The following SLC16A5 variants were observed in gnomAD, a reference collection of about 807,000 sequenced individuals.
SLC16A5 encodes monocarboxylate transporter 6.
In SLC16A5, 29 loss-of-function variants were observed where a neutral mutation model predicts 33.2. That is an observed-to-expected ratio of 0.87 (90% confidence interval 0.65 to 1.19). The LOEUF is 1.19. Among genes scored for constraint, SLC16A5 ranks in the 50% most tolerant of loss-of-function variants. SLC16A5 has a pLI of 0.00. For synonymous variants in SLC16A5, 248 were observed against 284.1 expected, an observed-to-expected ratio of 0.87 and a Z score of 1.28; for missense variants, 606 against 678.2, an observed-to-expected ratio of 0.89 and a Z score of 1.18.
At chr17:75,110,099 C>T (rs555343981), downstream of SLC16A5, 2 of 593,322 alleles carry the variant, frequency 3.4e-6, no homozygotes, top group Non-Finnish European at 5.9e-6. Context: ...TCTGAGACCC[C>T]GTCCCATCTC....
intron 5 of SLC16A5, among the ~76,000 whole-genome samples, chr17:75,101,867 T>C (rs1377171158): frequency 1.3e-5 from 2 of 152,008 alleles, no homozygotes; most frequent in African/African-American, 4.8e-5. Context: ...ACCCCTAGGC[T>C]CAAGTGATCT....
chr17:75,102,185 A>G (rs2073808485), intron 5 of SLC16A5, among the ~76,000 whole-genome samples: 1 of 152,214 alleles, frequency 6.6e-6, no homozygotes. Context: ...CTGGGTGTGC[A>G]TGGGGATCAA....
At position 75,105,153 on chromosome 17, in the gene SLC16A5, C is replaced by T. The variant is rs373503737; in HGVS notation, c.1365-727C>T. 44 of 985,342 alleles carry T rather than the reference C, an allele frequency of 4.5e-5. No homozygotes were observed. In the East Asian group the frequency reaches 6.8e-4, roughly 15 times the overall value. 61.0% of individuals were successfully genotyped at this position (985,342 alleles called of 1,614,324 possible). ...AGGTCCAGGCTGAGGAGTTGAGTGG[C>T]GCGCCCATCCTGGCGCCTGTGCAGA... On this transcript the variant is annotated intron_variant, in intron 6 of 6. Transcript: ENST00000329783.
intron 5 of SLC16A5, among the ~76,000 whole-genome samples, chr17:75,103,759 T>C (rs2073828443): frequency 6.6e-6 from 1 of 152,216 alleles, no homozygotes; most frequent in African/African-American, 2.4e-5. Flanking sequence ...TAAGTTCTCT[T>C]GCAGCCTGAG....
At chr17:75,100,935 C>T in intron 5 of SLC16A5, 119 bp downstream of exon 5, 2 of 1,021,494 alleles carry the variant, frequency 2.0e-6, no homozygotes, top group South Asian at 3.4e-5. Context: ...CAACCTGGCA[C>T]TCAGAGTATG....
rs10541835 is a variant in SLC16A5, at chr17:75,092,822, CGTGTGTGTGTGTGTGTGT to C, written c.-48-746_-48-729del. Among the ~76,000 whole-genome samples the C allele has an allele frequency of 9.6e-5, 13 of 136,092 alleles. No homozygotes were observed. In the South Asian group the frequency reaches 2.3e-3, roughly 24 times the overall value. The allele number at this position is 136,092 out of a possible 152,430, so 89.3% of individuals were successfully genotyped here. The stretch of plus-strand genomic sequence containing the variant: ...ATGTGTCTGTGTCTGTGTGCCACTG[CGTGTGTGTGTGTGTGTGT>C]GTGTGTGTGTGTGTGTGTGTTTATT... On this transcript the variant is annotated intron_variant, in intron 2 of 6. Coordinates refer to ENST00000329783, the MANE Select transcript of SLC16A5 (RefSeq NM_004695.4).
At chr17:75,094,457 C>T (rs867329294) in intron 3 of SLC16A5, among the ~76,000 whole-genome samples, 1 of 152,160 alleles carries the variant, frequency 6.6e-6, no homozygotes, top group African/African-American at 2.4e-5. Flanking sequence ...GAGGCCGAGG[C>T]GGTCAGATCA....
chr17:75,106,195 T>G, downstream of SLC16A5: 2 of 464,550 alleles, frequency 4.3e-6, no homozygotes, highest in Non-Finnish European at 7.7e-6. Context: ...GCTAGTCTCT[T>G]CCGGTTGAAA....
intron 3 of SLC16A5, among the ~76,000 whole-genome samples, chr17:75,096,391 G>A (rs2073718767): frequency 6.7e-6 from 1 of 150,040 alleles, no homozygotes; most frequent in African/African-American, 2.5e-5. Flanking sequence ...TCAGGCCAGA[G>A]TCTCTGGCGT....
At chr17:75,093,288 G>C (rs753868565) in intron 2 of SLC16A5, 15 of 822,768 alleles carry the variant, frequency 1.8e-5, no homozygotes, top group Non-Finnish European at 2.7e-5. Flanking sequence ...GTAACAATTA[G>C]AGACAATTGT....
In SLC16A5 at chr17:75,100,787, T is replaced by A; in HGVS notation, c.1124T>A (p.Leu375His). 12 of 1,606,260 alleles carry A rather than the reference T, an allele frequency of 7.5e-6. No homozygotes were observed. The highest frequency in any genetic ancestry group is 1.0e-5 in the Non-Finnish European group (12 of 1,174,874). ...ALGLFTVLDG[L>H]AFLISPPLAG... is the part of the protein sequence containing the mutation. ...GGACTCTTCACTGTCCTGGACGGCC[T>A]TGCTTTCCTCATCTCCCCACCACTG... The change falls in exon 5 of 7, where the codon CTT becomes CAT. Residue 375 changes from leucine (L) to histidine (H), a missense_variant. Physicochemically the swap from Leu to His is moderately conservative, Grantham distance 99. Transcript: ENST00000329783.
chr17:75,100,963 G>A lies in SLC16A5; in HGVS notation c.1153+147G>A, dbSNP rs529168688. On this transcript the variant is annotated intron_variant, in intron 5 of 6. Coordinates refer to ENST00000329783, the MANE Select transcript of SLC16A5 (RefSeq NM_004695.4). Reference sequence around the variant, plus strand: ...AGAGTATGAACAGTTAAAAACATGGGTTTGGCCCGGCGCGGTGGCTCATGC... The same window carrying A: ...AGAGTATGAACAGTTAAAAACATGGATTTGGCCCGGCGCGGTGGCTCATGC... 14 of 851,476 alleles carry A rather than the reference G, an allele frequency of 1.6e-5. No individual in the cohort carries two copies. In the East Asian group the frequency reaches 3.8e-4, roughly 23 times the overall value. 52.7% of individuals were successfully genotyped at this position (851,476 alleles called of 1,614,324 possible).
At chr17:75,091,578 C>T (rs1443697303) in intron 2 of SLC16A5, among the ~76,000 whole-genome samples, 1 of 152,138 alleles carries the variant, frequency 6.6e-6, no homozygotes, top group East Asian at 1.9e-4. Flanking sequence ...GCAAAGGAGG[C>T]AGTTCAGAGT....
intron 5 of SLC16A5, among the ~76,000 whole-genome samples, chr17:75,102,217 A>C (rs1488503786): frequency 6.6e-6 from 1 of 151,858 alleles, no homozygotes; most frequent in Non-Finnish European, 1.5e-5. Context: ...TCCCAGCCTG[A>C]CCAACATGGT....
In SLC16A5 at chr17:75,100,247, G is replaced by T; in HGVS notation, c.584G>T (p.Ser195Ile). Reference protein sequence around the residue: ...CGAIIRPVATSVAPETKECPP... With the variant: ...CGAIIRPVATIVAPETKECPP... ...GCCATCATAAGGCCTGTGGCCACCA[G>T]TGTGGCCCCTGAGACCAAAGAATGT... Residue 195 changes from serine to isoleucine, a missense_variant, in exon 5 of 7, where the codon AGT (serine) becomes ATT (isoleucine). Physicochemically the swap from Ser to Ile is moderately radical, Grantham distance 142. Transcript: ENST00000329783. 2 of 1,614,242 alleles carry T rather than the reference G, an allele frequency of 1.2e-6. No homozygotes were observed. The highest frequency in any genetic ancestry group is 1.7e-6 in the Non-Finnish European group (2 of 1,180,034).
chr17:75,094,873 G>A (rs566199446), intron 3 of SLC16A5, among the ~76,000 whole-genome samples: 60 of 152,168 alleles, frequency 3.9e-4, no homozygotes, highest in Non-Finnish European at 6.0e-4. Flanking sequence ...TTCCAGGAGT[G>A]TGACTGCCTC....
intron 2 of SLC16A5, among the ~76,000 whole-genome samples, chr17:75,092,298 T>C (rs1489785544): frequency 1.3e-5 from 2 of 151,948 alleles, no homozygotes; most frequent in Non-Finnish European, 2.9e-5. Flanking sequence ...CGCATCTGTG[T>C]AGTATGTGTC....
chr17:75,100,483 G>T lies in SLC16A5; in HGVS notation c.820G>T (p.Ala274Ser). ...MWHSVDEQQA[A>S]LLISIIGFSN... ...GCACAGCGTGGACGAGCAGCAGGCA[G>T]CCCTCCTCATCTCCATCATCGGCTT... Residue 274 changes from alanine (A) to serine (S), a missense_variant, in exon 5 of 7, where the codon GCC becomes TCC. Physicochemically the swap from Ala to Ser is moderately conservative, Grantham distance 99 (BLOSUM62 1). Coordinates refer to ENST00000329783, the MANE Select transcript of SLC16A5 (RefSeq NM_004695.4). 1 of 1,614,228 alleles carries T rather than the reference G, an allele frequency of 6.2e-7. No individual in the cohort carries two copies. Among genetic ancestry groups the T allele is most frequent in the South Asian group, 1.1e-5 (1 of 91,082 alleles).
At chr17:75,092,107 ATG>A (rs1334162522) in intron 2 of SLC16A5, among the ~76,000 whole-genome samples, 1 of 151,270 alleles carries the variant, frequency 6.6e-6, no homozygotes. Flanking sequence ...TCTGTGTAGC[ATG>A]TGTGACTCTG....
Sources: allele counts gnomAD v4.1 joint callset (sites outside exome capture counted in the v4.1 genomes callset), GRCh38; gene constraint gnomAD v4.1.1; transcripts MANE v1.5; gene names NCBI Gene and HGNC (gene_info 2026-07-23, HGNC 2026-07-21).